MLIP: variants seen among roughly 807,000 people sequenced by gnomAD.
MLIP encodes the protein muscular LMNA-interacting protein.
A neutral mutation model predicts 84.8 loss-of-function variants in MLIP; 79 were observed. The observed-to-expected ratio is 0.93, with a 90% confidence interval of 0.78 to 1.12. The LOEUF (loss-of-function observed/expected upper bound fraction) is 1.12. Ranked by LOEUF, MLIP falls within the 50% of genes most tolerant of loss-of-function variation. The pLI is 0.00. For synonymous variants in MLIP, 504 were observed against 463.0 expected (o/e 1.09, Z -1.14); for missense variants, 1,257 against 1,160.6 (o/e 1.08, Z -1.21).
chr6:54,029,269 G>A (rs1045188773), intron 1 of MLIP: 2 of 152,232 alleles, frequency 1.3e-5, no homozygotes, highest in Non-Finnish European at 2.9e-5. Context: ...TCAACTGATA[G>A]TATGAAGAGG....
rs1771952737 is a variant in MLIP, at chr6:54,137,842, A to G, written c.1773A>G (p.Leu591=). 2.6e-6 allele frequency: 4 copies of G among 1,536,108 alleles called. No individual in the cohort carries two copies. The highest frequency in any genetic ancestry group is 1.4e-5 in the African/African-American group (1 of 73,160). ...TYPSTLASSA[L]SSLSPPINQR... is the part of the protein sequence containing the mutation. Reference sequence around the variant, plus strand: ...CTTCTACATTAGCCTCCTCTGCATTATCTTCTCTATCTCCTCCTATTAATC... The same window carrying G: ...CTTCTACATTAGCCTCCTCTGCATTGTCTTCTCTATCTCCTCCTATTAATC... Residue 591 remains leucine (L), a synonymous_variant, in exon 4 of 14, where the codon TTA becomes TTG. Coordinates refer to ENST00000502396, the MANE Select transcript of MLIP (RefSeq NM_001281747.2).
intron 13 of MLIP, among the ~76,000 whole-genome samples, chr6:54,265,126 C>T (rs1783612722): frequency 6.6e-6 from 1 of 152,094 alleles, no homozygotes; most frequent in Non-Finnish European, 1.5e-5. Context: ...CCATGTTAGT[C>T]ATGAGTTGGA....
intron 1 of MLIP, among the ~76,000 whole-genome samples, chr6:54,085,349 G>A (rs901759296): frequency 6.6e-6 from 1 of 152,208 alleles, no homozygotes; most frequent in Non-Finnish European, 1.5e-5. Flanking sequence ...GACCTTGGGG[G>A]AGGTTAGTGA....
chr6:54,198,817 T>G (rs1204992129), intron 10 of MLIP, among the ~76,000 whole-genome samples: 1 of 152,060 alleles, frequency 6.6e-6, no homozygotes, highest in Non-Finnish European at 1.5e-5. Context: ...CAGTGGGAAT[T>G]TGATGTCTTG....
chr6:54,224,456 C>G (rs943479034), intron 11 of MLIP, among the ~76,000 whole-genome samples: 3 of 151,874 alleles, frequency 2.0e-5, no homozygotes, highest in Admixed American at 6.6e-5. Context: ...TCAAAAAGCT[C>G]CAAGTCACAA....
chr6:54,221,102 G>T (rs1780188435), intron 11 of MLIP, among the ~76,000 whole-genome samples: 1 of 152,014 alleles, frequency 6.6e-6, no homozygotes, highest in Admixed American at 6.6e-5. Flanking sequence ...ATGCAAGTGG[G>T]GTTCCTGATA....
intron 9 of MLIP, among the ~76,000 whole-genome samples, chr6:54,170,583 C>G (rs938495780): frequency 4.6e-5 from 7 of 151,490 alleles, no homozygotes; most frequent in Non-Finnish European, 1.0e-4. Context: ...GTAGACTAGA[C>G]CCGAGTTTAA....
At chr6:54,062,267 T>A (rs982815028) in intron 1 of MLIP, among the ~76,000 whole-genome samples, 5 of 152,190 alleles carry the variant, frequency 3.3e-5, no homozygotes, top group Non-Finnish European at 7.4e-5. Flanking sequence ...TTGTTCTTCC[T>A]AACACATTTT....
intron 10 of MLIP, among the ~76,000 whole-genome samples, chr6:54,191,984 A>AAT (rs1273926955): frequency 6.6e-6 from 1 of 150,896 alleles, no homozygotes; most frequent in South Asian, 2.1e-4. Context: ...CAAAGTGGCA[A>AAT]ATATATATAT....
chr6:54,169,300 G>A (rs1329121192), intron 8 of MLIP, among the ~76,000 whole-genome samples: 3 of 151,626 alleles, frequency 2.0e-5, no homozygotes, highest in Non-Finnish European at 4.4e-5. Flanking sequence ...TCCATGAGTT[G>A]ACATCATCAA....
At chr6:54,076,783 TG>T (rs1470332304) in intron 1 of MLIP, among the ~76,000 whole-genome samples, 4 of 152,188 alleles carry the variant, frequency 2.6e-5, no homozygotes, top group African/African-American at 9.7e-5. Flanking sequence ...CAGCGGATCA[TG>T]GGGACGGGTT....
At chr6:54,120,160 C>G (rs1427217703) in intron 1 of MLIP, among the ~76,000 whole-genome samples, 2 of 152,206 alleles carry the variant, frequency 1.3e-5, no homozygotes, top group Non-Finnish European at 2.9e-5. Context: ...ACTGTCTTCT[C>G]TTTCTCCCTT....
intron 12 of MLIP, among the ~76,000 whole-genome samples, chr6:54,241,090 C>G (rs891974718): frequency 6.6e-6 from 1 of 151,910 alleles, no homozygotes; most frequent in African/African-American, 2.4e-5. Context: ...ATAGAAAACA[C>G]TATGCTTCCC....
At chr6:54,153,664 A>G (rs534768593) in intron 5 of MLIP, among the ~76,000 whole-genome samples, 1 of 151,930 alleles carries the variant, frequency 6.6e-6, no homozygotes, top group Non-Finnish European at 1.5e-5. Context: ...CCTGGCCAAC[A>G]TGGTGAAACC....
intron 11 of MLIP, among the ~76,000 whole-genome samples, chr6:54,205,767 A>AT (rs891838419): frequency 2.9e-4 from 44 of 151,938 alleles, no homozygotes; most frequent in African/African-American, 9.9e-4. Flanking sequence ...TGTATATTAG[A>AT]TTTTTTTTTA....
At chr6:54,190,007 A>T in intron 10 of MLIP, 93 bp downstream of exon 10, 1 of 842,846 alleles carries the variant, frequency 1.2e-6, no homozygotes, top group South Asian at 1.7e-5. Context: ...TACATTTACT[A>T]TATATATTTT....
chr6:54,117,211 C>CTTTTTTTTTTTTTT (rs200691416), intron 1 of MLIP, among the ~76,000 whole-genome samples: 3 of 117,828 alleles, frequency 2.5e-5, no homozygotes, highest in Admixed American at 8.6e-5. Context: ...CTATTTCTGT[C>CTTTTTTTTTTTTTT]TTTTTTTTTT....
At chr6:54,166,808 A>G (rs575744751) in intron 8 of MLIP, among the ~76,000 whole-genome samples, 93 of 152,044 alleles carry the variant, frequency 6.1e-4, no homozygotes, top group South Asian at 4.4e-3. Context: ...CCAAATACCT[A>G]TCTTCATTTC....
At chr6:54,108,963 A>G (rs1769218941), upstream of MLIP, among the ~76,000 whole-genome samples, 1 of 152,082 alleles carries the variant, frequency 6.6e-6, no homozygotes, top group African/African-American at 2.4e-5. Context: ...GAACCACACT[A>G]GAACTTTGCG....
Sources: allele counts gnomAD v4.1 joint callset (sites outside exome capture counted in the v4.1 genomes callset), GRCh38; gene constraint gnomAD v4.1.1; transcripts MANE v1.5; gene names NCBI Gene and HGNC (gene_info 2026-07-23, HGNC 2026-07-21).